The following CAMKMT variants were observed in gnomAD, a reference collection of about 807,000 sequenced individuals.
The protein encoded by CAMKMT is CaM KMT.
Under a neutral mutation model 48.0 loss-of-function variants are expected in CAMKMT, and 53 were observed. The observed-to-expected ratio is 1.10, with a 90% CI of 0.89 to 1.39. The LOEUF is 1.39. CAMKMT is among the 40% of genes most tolerant of loss of function. The probability of loss-of-function intolerance (pLI) is 0.00; values close to 1 mark genes in which losing one functional copy is unlikely to be tolerated. For synonymous variants in CAMKMT, 165 were observed against 152.3 expected, an observed-to-expected ratio of 1.08 and a Z score of -0.61; for missense variants, 428 against 402.7, an observed-to-expected ratio of 1.06 and a Z score of -0.54.
At chr2:44,400,292 C>T (rs192570952) in intron 3 of CAMKMT, among the ~76,000 whole-genome samples, 28 of 151,986 alleles carry the variant, frequency 1.8e-4, no homozygotes, top group African/African-American at 6.8e-4. Context: ...AAAATTACAA[C>T]CAGGATTTAA....
intron 7 of CAMKMT, among the ~76,000 whole-genome samples, chr2:44,742,252 T>C (rs1486568374): frequency 6.6e-6 from 1 of 152,208 alleles, no homozygotes; most frequent in Non-Finnish European, 1.5e-5. Context: ...AACGTAAGCA[T>C]TGATCTCTTA....
intron 3 of CAMKMT, among the ~76,000 whole-genome samples, chr2:44,591,251 C>T (rs1323726150): frequency 1.3e-5 from 2 of 151,692 alleles, no homozygotes; most frequent in African/African-American, 4.8e-5. Context: ...TTTTTTGGTT[C>T]CATATGAACT....
intron 3 of CAMKMT, among the ~76,000 whole-genome samples, chr2:44,545,681 CTTT>C (rs71393283): frequency 2.9e-5 from 4 of 135,672 alleles, no homozygotes; most frequent in African/African-American, 8.2e-5. Flanking sequence ...TAGACTCGGT[CTTT>C]TTTTTTTTTT....
At chr2:44,425,342 C>G (rs571434720) in intron 3 of CAMKMT, among the ~76,000 whole-genome samples, 2 of 151,940 alleles carry the variant, frequency 1.3e-5, no homozygotes, top group African/African-American at 4.8e-5. Context: ...TTATAACAAC[C>G]ATTTTGGTGG....
chr2:44,361,973 C>T lies in CAMKMT; in HGVS notation c.-35C>T, dbSNP rs1045016816. 6 of 1,362,586 alleles carry T rather than the reference C, an allele frequency of 4.4e-6. No individual in the cohort carries two copies. Among genetic ancestry groups the T allele is most frequent in the South Asian group, 1.7e-5 (1 of 57,238 alleles). The allele number at this position is 1,362,586 out of a possible 1,614,324, so 84.4% of individuals were successfully genotyped here. On this transcript the variant is annotated 5_prime_UTR_variant, in exon 1 of 11. Transcript: ENST00000378494. Reference sequence around the variant, plus strand: ...GGTCCTGGCAGGGGACGAGCTGCGGCGGTGGCACCTCCGGGTGTGGAAGGC... The same window carrying T: ...GGTCCTGGCAGGGGACGAGCTGCGGTGGTGGCACCTCCGGGTGTGGAAGGC...
chr2:44,383,131 C>G (rs897979006), intron 2 of CAMKMT, among the ~76,000 whole-genome samples: 2 of 148,146 alleles, frequency 1.4e-5, no homozygotes, highest in East Asian at 2.0e-4. Context: ...CCTACCTCCT[C>G]TTTTTTTTTT....
At chr2:44,491,629 A>T (rs962944185) in intron 3 of CAMKMT, among the ~76,000 whole-genome samples, 1 of 152,226 alleles carries the variant, frequency 6.6e-6, no homozygotes, top group African/African-American at 2.4e-5. Flanking sequence ...CTTACACTGC[A>T]CTATGATAAA....
At chr2:44,552,069 C>T (rs574804423) in intron 3 of CAMKMT, among the ~76,000 whole-genome samples, 5 of 152,014 alleles carry the variant, frequency 3.3e-5, no homozygotes, top group Admixed American at 3.3e-4. Flanking sequence ...GAAATCTGGG[C>T]GTTGAATGTA....
intron 9 of CAMKMT, among the ~76,000 whole-genome samples, chr2:44,757,765 T>A (rs1321595056): frequency 6.6e-6 from 1 of 152,228 alleles, no homozygotes; most frequent in South Asian, 2.1e-4. Context: ...GTTTCACCTA[T>A]GTTGATCAGG....
chr2:44,458,158 C>T (rs1009170654), intron 3 of CAMKMT, among the ~76,000 whole-genome samples: 3 of 151,332 alleles, frequency 2.0e-5, no homozygotes, highest in African/African-American at 4.9e-5. Context: ...ACGATCTTCC[C>T]ACCTCAGCCT....
chr2:44,489,782 T>C (rs1669396683), intron 3 of CAMKMT, among the ~76,000 whole-genome samples: 2 of 152,272 alleles, frequency 1.3e-5, no homozygotes, highest in South Asian at 2.1e-4. Flanking sequence ...AAAACCTAAT[T>C]TAAAATGAAA....
intron 3 of CAMKMT, among the ~76,000 whole-genome samples, chr2:44,587,182 T>G (rs1431280781): frequency 6.6e-6 from 1 of 152,202 alleles, no homozygotes; most frequent in East Asian, 1.9e-4. Context: ...TACAAGTCCT[T>G]TAGCAGATTC....
chr2:44,753,919 A>G, intron 8 of CAMKMT, 136 bp from the exon 9 acceptor site: 1 of 658,064 alleles, frequency 1.5e-6, no homozygotes, highest in Non-Finnish European at 2.7e-6. Context: ...CCAGTGAGAC[A>G]CTTGAATGGT....
chr2:44,446,018 A>G (rs1470796688), intron 3 of CAMKMT, among the ~76,000 whole-genome samples: 1 of 152,084 alleles, frequency 6.6e-6, no homozygotes. Context: ...TGTCAGTTAG[A>G]CATACTTCTT....
intron 3 of CAMKMT, among the ~76,000 whole-genome samples, chr2:44,548,521 G>A (rs1408658127): frequency 2.0e-5 from 3 of 152,144 alleles, no homozygotes; most frequent in South Asian, 2.1e-4. Context: ...TTAGCCATAC[G>A]TTATCTAGAT....
chr2:44,683,650 C>T, intron 3 of CAMKMT, among the ~76,000 whole-genome samples: 1 of 151,864 alleles, frequency 6.6e-6, no homozygotes, highest in Non-Finnish European at 1.5e-5. Context: ...GAAACCCCCT[C>T]TCTACTAAAA....
intron 3 of CAMKMT, among the ~76,000 whole-genome samples, chr2:44,679,243 C>G (rs1421531525): frequency 1.3e-5 from 2 of 152,146 alleles, no homozygotes; most frequent in East Asian, 3.8e-4. Context: ...TGTCCCTGCC[C>G]AAAACCTCAA....
intron 3 of CAMKMT, among the ~76,000 whole-genome samples, chr2:44,408,025 C>CTT (rs58443811): frequency 1.4e-4 from 15 of 105,274 alleles, no homozygotes; most frequent in African/African-American, 3.0e-4. Context: ...TAGAGCATGT[C>CTT]TTTTTTTTTT....
intron 3 of CAMKMT, among the ~76,000 whole-genome samples, chr2:44,495,346 G>C (rs1017512520): frequency 5.9e-5 from 9 of 151,860 alleles, no homozygotes; most frequent in Non-Finnish European, 4.4e-5. Context: ...ATCTTGCTAT[G>C]GTGCCCAGGC....
Sources: allele counts gnomAD v4.1 joint callset (sites outside exome capture counted in the v4.1 genomes callset), GRCh38; gene constraint gnomAD v4.1.1; transcripts MANE v1.5; gene names NCBI Gene and HGNC (gene_info 2026-07-23, HGNC 2026-07-21).